Variants in TRIP4 observed in about 807,000 individuals in gnomAD.
The protein encoded by TRIP4 is thyroid hormone receptor interactor 4.
TRIP4 carries 54 observed loss-of-function variants against 81.8 expected under a neutral mutation model. The ratio of observed to expected loss-of-function variants is 0.66; its 90% CI spans 0.53 to 0.83. The LOEUF is 0.83. Ranked by LOEUF, TRIP4 falls within the 40% of genes least tolerant of loss-of-function variation. The pLI, the probability that TRIP4 is intolerant of heterozygous loss-of-function variation, is 0.00. For synonymous variants in TRIP4, 270 were observed against 242.8 expected (o/e 1.11, Z -1.04); for missense variants, 662 against 683.6 (o/e 0.97, Z 0.35).
chr15:64,447,672 G>C (rs1372493561), intron 12 of TRIP4, among the ~76,000 whole-genome samples: 1 of 152,142 alleles, frequency 6.6e-6, no homozygotes, highest in East Asian at 1.9e-4. Context: ...TCCAGTTGGT[G>C]GCCCAGTAGC....
chr15:64,435,881 T>A (rs2140307849), intron 11 of TRIP4, among the ~76,000 whole-genome samples: 3 of 78,592 alleles, frequency 3.8e-5, no homozygotes, highest in East Asian at 4.2e-4. Context: ...TGGAATACCA[T>A]AATGGTAGAT....
rs1900215527 is a variant in TRIP4, at chr15:64,394,093, G to C, written c.249G>C (p.Leu83Phe). ...KNDQELISDPLQQCFKKDEIL... is the reference protein window; with the variant it reads ...KNDQELISDPFQQCFKKDEIL... ...ATCAGGAGTTGATTTCGGATCCTTT[G>C]CAGCAGTGCTTCAAAAAAGATGGTA... Residue 83 changes from leucine (L) to phenylalanine (F), a missense_variant, in exon 2 of 13, where the codon TTG (leucine) becomes TTC (phenylalanine). Leu to Phe is a conservative substitution (Grantham distance 22). Coordinates refer to ENST00000261884, the MANE Select transcript of TRIP4 (RefSeq NM_016213.5). 1 of 1,599,232 alleles carries C rather than the reference G, an allele frequency of 6.3e-7. No individual in the cohort carries two copies. The highest frequency in any genetic ancestry group is 8.5e-7 in the Non-Finnish European group (1 of 1,173,138).
chr15:64,443,754 G>T (rs533812921), intron 11 of TRIP4, among the ~76,000 whole-genome samples: 7 of 152,174 alleles, frequency 4.6e-5, no homozygotes, highest in Non-Finnish European at 8.8e-5. Context: ...GGGTGCGGTG[G>T]CTCTCTCCTA....
chr15:64,445,977 A>C (rs1037353854), intron 12 of TRIP4, among the ~76,000 whole-genome samples: 1 of 152,152 alleles, frequency 6.6e-6, no homozygotes, highest in Non-Finnish European at 1.5e-5. Context: ...TTCAGTATTC[A>C]ACTCAAGAAT....
chr15:64,436,763 CT>C (rs71133433), intron 11 of TRIP4, among the ~76,000 whole-genome samples: 1 of 21,420 alleles, frequency 4.7e-5, no homozygotes, highest in Non-Finnish European at 7.3e-5. Flanking sequence ...CCATCTATGC[CT>C]TTTTTTTTTT....
intron 10 of TRIP4, 74 bp downstream of exon 10, chr15:64,424,229 CTTCT>C: frequency 6.3e-7 from 1 of 1,585,198 alleles, no homozygotes. Context: ...CTTTCACTTC[CTTCT>C]TTCTTTGGCT....
chr15:64,453,900 T>C (rs1385901720), intron 12 of TRIP4, among the ~76,000 whole-genome samples: 1 of 152,154 alleles, frequency 6.6e-6, no homozygotes, highest in Admixed American at 6.5e-5. Context: ...CAAGTGAAAA[T>C]ACTGAAATCC....
intron 7 of TRIP4, among the ~76,000 whole-genome samples, chr15:64,413,618 C>G (rs1268481071): frequency 6.6e-6 from 1 of 151,674 alleles, no homozygotes; most frequent in East Asian, 1.9e-4. Context: ...TTGAGACAGT[C>G]TCACTCTATT....
intron 3 of TRIP4, 73 bp from the exon 4 acceptor site, chr15:64,397,533 G>A (rs1052204843): frequency 2.5e-5 from 37 of 1,470,548 alleles, no homozygotes; most frequent in Admixed American, 1.1e-4. Flanking sequence ...TGAACAGAAC[G>A]GAGCATTTTC....
intron 8 of TRIP4, among the ~76,000 whole-genome samples, 153 bp from the exon 9 acceptor site, chr15:64,418,388 A>G (rs1281030601): frequency 6.6e-6 from 1 of 152,242 alleles, no homozygotes; most frequent in African/African-American, 2.4e-5. Context: ...CTGGGATTAC[A>G]GGCGTGAGCC....
At chr15:64,404,085 G>A (rs529702414) in intron 5 of TRIP4, among the ~76,000 whole-genome samples, 1 of 152,122 alleles carries the variant, frequency 6.6e-6, no homozygotes, top group African/African-American at 2.4e-5. Context: ...CAGCTACTCA[G>A]GAGACTGAGG....
intron 11 of TRIP4, among the ~76,000 whole-genome samples, chr15:64,430,287 T>C (rs1277908267): frequency 6.6e-6 from 1 of 152,232 alleles, no homozygotes; most frequent in Non-Finnish European, 1.5e-5. Context: ...AGAAGTGATA[T>C]AGAAAAGGCT....
At position 64,454,977 on chromosome 15, in the gene TRIP4, C is replaced by G. The variant is rs767786138; in HGVS notation, c.1679-20C>G. On this transcript the variant is annotated intron_variant, in intron 12 of 12. Transcript: ENST00000261884. ...GCAAATACAAAAATAAATAATGAGA[C>G]TTATTTTTCTCCCTTACAGGGAAAT... 5 of 1,609,166 alleles carry G rather than the reference C, an allele frequency of 3.1e-6. No individual in the cohort carries two copies. In the African/African-American group the frequency reaches 5.3e-5, roughly 17 times the overall value.
In TRIP4 at chr15:64,434,838, G is replaced by A. The variant is rs143042850; in HGVS notation, c.1575+9207G>A. Among the ~76,000 whole-genome samples the A allele has an allele frequency of 2.0e-3, 300 of 152,142 alleles. 5 individuals carry two copies. The highest frequency in any genetic ancestry group is 0.015 in the Admixed American group (236 of 15,264). On this transcript the variant is annotated intron_variant, in intron 11 of 12. Transcript: ENST00000261884. Reference sequence around the variant, plus strand: ...TCTAGAAAGAATATGCTGTAGTGTCGCTATCTACTTGGAATCTGTTCAGGA... The same window carrying A: ...TCTAGAAAGAATATGCTGTAGTGTCACTATCTACTTGGAATCTGTTCAGGA...
chr15:64,446,254 A>G (rs548284366), intron 12 of TRIP4, among the ~76,000 whole-genome samples: 1 of 152,148 alleles, frequency 6.6e-6, no homozygotes, highest in African/African-American at 2.4e-5. Context: ...AGCCTAGGCA[A>G]CAAGAGCGAA....
chr15:64,416,830 T>G (rs965836854), intron 8 of TRIP4, among the ~76,000 whole-genome samples: 8 of 152,178 alleles, frequency 5.3e-5, no homozygotes, highest in African/African-American at 1.9e-4. Flanking sequence ...TAAAAATGTG[T>G]ATTTTTAAGA....
chr15:64,409,486 CAT>C lies in TRIP4; in HGVS notation c.828-124_828-123del, dbSNP rs1230870017. ...AGCTGAGCCTACACTGGAGATAAAA[CAT>C]ATGCAGAGCTTGACCTGATTTTGGA... On this transcript the variant is annotated intron_variant, in intron 6 of 12. Coordinates refer to ENST00000261884, the MANE Select transcript of TRIP4 (RefSeq NM_016213.5). The C allele has an allele frequency of 5.4e-5, 44 of 811,202 alleles. 2 individuals are homozygous for C. In the South Asian group the frequency reaches 7.4e-4, roughly 14 times the overall value. 50.3% of individuals were successfully genotyped at this position (811,202 alleles called of 1,614,324 possible). A position where few individuals can be genotyped will look rare whatever the true frequency, so the allele number is the denominator to read the frequency against.
chr15:64,405,825 C>T (rs1891609781), intron 5 of TRIP4, among the ~76,000 whole-genome samples: 1 of 152,120 alleles, frequency 6.6e-6, no homozygotes, highest in Non-Finnish European at 1.5e-5. Flanking sequence ...TGAGACCCGC[C>T]TCTCTACAAA....
At chr15:64,451,733 A>G (rs1892767530) in intron 12 of TRIP4, among the ~76,000 whole-genome samples, 3 of 149,108 alleles carry the variant, frequency 2.0e-5, no homozygotes, top group African/African-American at 5.0e-5. Context: ...GGCTCACTGG[A>G]ACCTCCAACT....
Sources: gnomAD v4.1 joint callset for allele counts (sites outside exome capture counted in the v4.1 genomes callset) on GRCh38, gnomAD v4.1.1 for gene constraint, MANE v1.5 for transcripts, NCBI Gene and HGNC (gene_info 2026-07-23, HGNC 2026-07-21) for gene names.